Variants in CMSS1 observed in about 807,000 individuals in gnomAD.
CMSS1 encodes cms1 ribosomal small subunit homolog.
A neutral mutation model predicts 43.5 loss-of-function variants in CMSS1; 33 were observed. The observed-to-expected ratio is 0.76, with a 90% CI of 0.57 to 1.01. The LOEUF is 1.01. Ranked by LOEUF, CMSS1 falls within the 50% of genes least tolerant of loss-of-function variation. CMSS1 has a pLI of 0.00. For missense variants in CMSS1, 313 were observed against 326.4 expected (o/e 0.96, Z 0.32); for synonymous variants, 115 against 117.2 (o/e 0.98, Z 0.12).
At chr3:99,962,884 T>C (rs1414954489) in intron 1 of CMSS1, among the ~76,000 whole-genome samples, 1 of 152,216 alleles carries the variant, frequency 6.6e-6, no homozygotes, top group Non-Finnish European at 1.5e-5. Context: ...GCCTGCTGTT[T>C]ATGGTCACAA....
chr3:99,894,595 G>A (rs917219848), intron 1 of CMSS1, among the ~76,000 whole-genome samples: 1 of 152,182 alleles, frequency 6.6e-6, no homozygotes, highest in Non-Finnish European at 1.5e-5. Context: ...CAGCAAGGAG[G>A]AAAGTGAATA....
At chr3:99,873,932 A>C (rs897689692) in intron 1 of CMSS1, among the ~76,000 whole-genome samples, 1 of 152,210 alleles carries the variant, frequency 6.6e-6, no homozygotes, top group Admixed American at 6.5e-5. Context: ...GAAGTGTAGA[A>C]ATTCACATTC....
intron 1 of CMSS1, among the ~76,000 whole-genome samples, chr3:99,955,930 T>C (rs1314377701): frequency 6.6e-6 from 1 of 152,182 alleles, no homozygotes; most frequent in Non-Finnish European, 1.5e-5. Flanking sequence ...ACTTCTTACA[T>C]AGCGCTTACC....
intron 8 of CMSS1, among the ~76,000 whole-genome samples, chr3:100,173,296 C>T (rs142704177): frequency 1.6e-4 from 25 of 152,316 alleles, no homozygotes; most frequent in African/African-American, 6.0e-4. Flanking sequence ...ACAACACTTT[C>T]GAGTTCCTAC....
Position 99,989,686 on chromosome 3 carries a change from T to A in CMSS1, c.65-157287T>A, listed in dbSNP as rs202066060. Among the ~76,000 whole-genome samples the A allele has an allele frequency of 7.6e-4, 113 of 149,204 alleles. No individual in the cohort carries two copies. The East Asian group carries it at 0.017, about 23-fold the overall frequency. Reference sequence around the variant, plus strand: ...CCTCTATATATATATATATATATATTTTTTTTCTTTTTTTTGCAGAAAAAT... The same window carrying A: ...CCTCTATATATATATATATATATATATTTTTTCTTTTTTTTGCAGAAAAAT... On this transcript the variant is annotated intron_variant, in intron 1 of 9. Transcript: ENST00000421999.
intron 1 of CMSS1, among the ~76,000 whole-genome samples, chr3:99,926,269 C>CTTAA (rs1707290468): frequency 6.6e-6 from 1 of 152,236 alleles, no homozygotes; most frequent in African/African-American, 2.4e-5. Flanking sequence ...CTTCTAAATG[C>CTTAA]TTAAATTCAC....
Position 99,926,352 on chromosome 3 carries a change from G to T in CMSS1, c.64+108309G>T, listed in dbSNP as rs1576577622. Among the ~76,000 whole-genome samples, 7 of 152,320 alleles carry T rather than the reference G, an allele frequency of 4.6e-5. 2 individuals are homozygous for T. Among genetic ancestry groups the T allele is most frequent in the Admixed American group, 4.6e-4 (7 of 15,296 alleles). On this transcript the variant is annotated intron_variant, in intron 1 of 9. Transcript: ENST00000421999. ...CAGTCCTTTTGTGAAAGCTGAAACT[G>T]CTATGTTGTATTGCCTGCTGGCAGA...
chr3:100,072,787 G>T (rs2065784570), intron 1 of CMSS1, among the ~76,000 whole-genome samples: 1 of 152,158 alleles, frequency 6.6e-6, no homozygotes, highest in Admixed American at 6.5e-5. Flanking sequence ...GCTTGCTAAA[G>T]AACAGAGGTT....
chr3:99,999,639 C>T (rs754374188), intron 1 of CMSS1, among the ~76,000 whole-genome samples: 11 of 152,222 alleles, frequency 7.2e-5, no homozygotes, highest in East Asian at 1.9e-4. Flanking sequence ...TTTCAGTCAG[C>T]GCTTTGCTAA....
At chr3:99,823,402 T>A (rs909959174) in intron 1 of CMSS1, among the ~76,000 whole-genome samples, 1 of 152,206 alleles carries the variant, frequency 6.6e-6, no homozygotes, top group Non-Finnish European at 1.5e-5. Flanking sequence ...CTCCAAACTT[T>A]CCTGTCTCCA....
At chr3:99,975,916 G>A (rs1341820813) in intron 1 of CMSS1, among the ~76,000 whole-genome samples, 1 of 152,090 alleles carries the variant, frequency 6.6e-6, no homozygotes, top group Non-Finnish European at 1.5e-5. Flanking sequence ...TTAGAGTCAC[G>A]CTCTGTTGTC....
chr3:100,037,387 T>G (rs2065126031), intron 1 of CMSS1, among the ~76,000 whole-genome samples: 1 of 152,222 alleles, frequency 6.6e-6, no homozygotes, highest in Non-Finnish European at 1.5e-5. Flanking sequence ...TTTTGTAGTA[T>G]TCTTGCAAAT....
intron 1 of CMSS1, among the ~76,000 whole-genome samples, chr3:99,839,853 T>G (rs1003263221): frequency 6.6e-6 from 1 of 152,202 alleles, no homozygotes; most frequent in African/African-American, 2.4e-5. Context: ...TTCTCATCTC[T>G]AGACACCAGA....
intron 2 of CMSS1, among the ~76,000 whole-genome samples, chr3:100,153,162 C>T (rs967369591): frequency 6.6e-6 from 1 of 152,184 alleles, no homozygotes; most frequent in Non-Finnish European, 1.5e-5. Context: ...ACAGGATCAT[C>T]ACCCCCAGAA....
At chr3:99,920,656 C>T (rs1001862729) in intron 1 of CMSS1, among the ~76,000 whole-genome samples, 1 of 152,176 alleles carries the variant, frequency 6.6e-6, no homozygotes, top group Non-Finnish European at 1.5e-5. Flanking sequence ...TGAGCTGATC[C>T]CTGCCCCCAC....
chr3:99,878,158 T>G (rs995291978), intron 1 of CMSS1, among the ~76,000 whole-genome samples: 1 of 152,218 alleles, frequency 6.6e-6, no homozygotes, highest in Non-Finnish European at 1.5e-5. Flanking sequence ...TCCTGAAACA[T>G]CAGTCTCTTG....
At chr3:99,847,975 C>A in intron 1 of CMSS1, 3 of 1,054,072 alleles carry the variant, frequency 2.8e-6, no homozygotes, top group Admixed American at 4.9e-5. Context: ...AGTATTTCAC[C>A]AAGACAAGTT....
intron 1 of CMSS1, among the ~76,000 whole-genome samples, chr3:100,109,792 G>T (rs145908739): frequency 6.6e-6 from 1 of 152,074 alleles, no homozygotes; most frequent in African/African-American, 2.4e-5. Flanking sequence ...ACATTCTAAG[G>T]TTAATGATAT....
chr3:99,981,597 A>T (rs1003516387), intron 1 of CMSS1, among the ~76,000 whole-genome samples: 9 of 152,184 alleles, frequency 5.9e-5, no homozygotes, highest in Non-Finnish European at 1.2e-4. Flanking sequence ...TTTAATGCAG[A>T]TTTAATGTAT....
Sources: allele counts gnomAD v4.1 joint callset (sites outside exome capture counted in the v4.1 genomes callset), GRCh38; gene constraint gnomAD v4.1.1; transcripts MANE v1.5; gene names NCBI Gene and HGNC (gene_info 2026-07-23, HGNC 2026-07-21).